Variants in CDH20 observed in about 807,000 individuals in gnomAD.
The protein encoded by CDH20 is cadherin-20.
CDH20 carries 29 observed loss-of-function variants against 74.2 expected under a neutral mutation model. The observed-to-expected ratio is 0.39, with a 90% CI of 0.29 to 0.53. The LOEUF (loss-of-function observed/expected upper bound fraction) is 0.53, where lower values mean the gene tolerates loss of function less well. CDH20 is among the 20% of genes least tolerant of loss of function. The pLI, the probability that CDH20 is intolerant of heterozygous loss-of-function variation, is 0.69. For synonymous variants in CDH20, 469 were observed against 405.4 expected (o/e 1.16, Z -1.88); for missense variants, 988 against 1,048.3 (o/e 0.94, Z 0.79).
intron 6 of CDH20, among the ~76,000 whole-genome samples, chr18:61,520,315 CAAAAA>C (rs58685164): frequency 8.2e-6 from 1 of 122,044 alleles, no homozygotes; most frequent in Non-Finnish European, 1.6e-5. Context: ...GACTCCGTCT[CAAAAA>C]AAAAAAAAAA....
At chr18:61,552,670 C>CT (rs1913477640) in intron 11 of CDH20, among the ~76,000 whole-genome samples, 1 of 152,206 alleles carries the variant, frequency 6.6e-6, no homozygotes, top group African/African-American at 2.4e-5. Context: ...TTATCACTGT[C>CT]TGACTTGCAT....
chr18:61,496,510 G>A (rs553886008), intron 2 of CDH20, among the ~76,000 whole-genome samples: 44 of 152,086 alleles, frequency 2.9e-4, no homozygotes, highest in African/African-American at 1.0e-3. Flanking sequence ...AAGGTCACAC[G>A]GAAAGCGAAG....
At chr18:61,493,417 T>C (rs1911029432) in intron 2 of CDH20, among the ~76,000 whole-genome samples, 1 of 152,172 alleles carries the variant, frequency 6.6e-6, no homozygotes, top group Non-Finnish European at 1.5e-5. Flanking sequence ...GCTCCTCTGA[T>C]TAAGAAAGCA....
intron 1 of CDH20, among the ~76,000 whole-genome samples, chr18:61,466,090 ATATATATATATATAGCTATT>A (rs1909951982): frequency 6.7e-6 from 1 of 150,146 alleles, no homozygotes; most frequent in Admixed American, 6.7e-5. Flanking sequence ...ATTAAGCTAT[ATATATATATATATAGCTATT>A]TATATATATA....
chr18:61,554,662 C>T lies in CDH20; in HGVS notation c.2373C>T (p.Tyr791=). 1 of 1,589,906 alleles carries T rather than the reference C, an allele frequency of 6.3e-7. No homozygotes were observed. Among genetic ancestry groups the T allele is most frequent in the Admixed American group, 1.7e-5 (1 of 58,054 alleles). The change falls in exon 12 of 12, where the codon TAC becomes TAT. Residue 791 remains tyrosine (Y), a synonymous_variant. Coordinates refer to ENST00000262717, the MANE Select transcript of CDH20 (RefSeq NM_031891.4). ...GCTTCCGGAAGCTGGCCGAGCTCTA[C>T]GGGGCGTCGGAGGGACCCGCGCCGC... ...GPRFRKLAEL[Y]GASEGPAPLW is the part of the protein sequence containing the mutation.
At chr18:61,459,197 T>C (rs1909683649) in intron 1 of CDH20, among the ~76,000 whole-genome samples, 2 of 152,202 alleles carry the variant, frequency 1.3e-5, no homozygotes, top group Admixed American at 1.3e-4. Flanking sequence ...TTACTTACCT[T>C]AGTGCTAAGT....
At chr18:61,425,424 A>T (rs1257132592) in intron 1 of CDH20, among the ~76,000 whole-genome samples, 4 of 152,194 alleles carry the variant, frequency 2.6e-5, no homozygotes, top group Admixed American at 2.6e-4. Context: ...GAGGGGGCAG[A>T]GGCATGAGTA....
chr18:61,352,935 C>G (rs1201898849), intron 1 of CDH20, among the ~76,000 whole-genome samples: 7 of 152,164 alleles, frequency 4.6e-5, no homozygotes, highest in Admixed American at 2.6e-4. Flanking sequence ...AAAACACTAC[C>G]TTGGCCCCTT....
intron 11 of CDH20, among the ~76,000 whole-genome samples, chr18:61,552,499 A>C (rs1253253764): frequency 6.6e-6 from 1 of 152,066 alleles, no homozygotes; most frequent in Non-Finnish European, 1.5e-5. Flanking sequence ...TCTCTCCAGC[A>C]AGGTATTCAA....
At chr18:61,445,984 T>C (rs1395448579) in intron 1 of CDH20, among the ~76,000 whole-genome samples, 2 of 152,122 alleles carry the variant, frequency 1.3e-5, no homozygotes, top group African/African-American at 4.8e-5. Flanking sequence ...TCTCTCCATG[T>C]ACCCTGGGCT....
chr18:61,497,099 AAAAGAAAG>A (rs201120857), intron 2 of CDH20, among the ~76,000 whole-genome samples: 27 of 139,662 alleles, frequency 1.9e-4, no homozygotes, highest in Non-Finnish European at 2.0e-4. Flanking sequence ...GTAAAAAAAA[AAAAGAAAG>A]AAAGAAAGAA....
At chr18:61,464,854 T>C (rs1230158647) in intron 1 of CDH20, among the ~76,000 whole-genome samples, 4 of 152,224 alleles carry the variant, frequency 2.6e-5, no homozygotes, top group African/African-American at 9.6e-5. Flanking sequence ...AAGTCAAGGT[T>C]GTGGCAAAAC....
intron 1 of CDH20, among the ~76,000 whole-genome samples, chr18:61,376,077 T>C (rs1022516436): frequency 6.6e-6 from 1 of 152,184 alleles, no homozygotes; most frequent in Non-Finnish European, 1.5e-5. Flanking sequence ...ACTTCATCTA[T>C]AATTCTCAGA....
intron 1 of CDH20, among the ~76,000 whole-genome samples, chr18:61,339,360 TACACAC>T (rs35630137): frequency 0.018 from 2,577 of 145,928 alleles, 70 homozygotes; most frequent in African/African-American, 0.061. Context: ...GCAAGTTTAT[TACACAC>T]ACACACACAC....
intron 8 of CDH20, among the ~76,000 whole-genome samples, chr18:61,538,738 T>C (rs1008824786): frequency 6.6e-6 from 1 of 150,908 alleles, no homozygotes; most frequent in Non-Finnish European, 1.5e-5. Context: ...CCTGCCTCAG[T>C]CTCCCAAGTA....
chr18:61,339,701 T>C lies in CDH20; in HGVS notation c.-153+5874T>C, dbSNP rs111527913. ...TAGAAATTTTTTTTTTTTTTTTTTT[T>C]TTTTGAGATGGAGTCTCGCTCTGTC... On this transcript the variant is annotated intron_variant, in intron 1 of 11. Coordinates refer to ENST00000262717, the MANE Select transcript of CDH20 (RefSeq NM_031891.4). Among the ~76,000 whole-genome samples, 560 of 122,494 alleles carry C rather than the reference T, an allele frequency of 4.6e-3. 1 individual carries two copies. Among genetic ancestry groups the C allele is most frequent in the African/African-American group, 7.7e-3 (260 of 33,638 alleles). 80.4% of individuals were successfully genotyped at this position (122,494 alleles called of 152,430 possible).
At chr18:61,422,284 C>T (rs776489763) in intron 1 of CDH20, among the ~76,000 whole-genome samples, 1 of 152,064 alleles carries the variant, frequency 6.6e-6, no homozygotes. Context: ...AGTTTCCAGG[C>T]AAAAGGAAAA....
At chr18:61,498,049 G>A (rs1267064612) in intron 2 of CDH20, among the ~76,000 whole-genome samples, 2 of 152,166 alleles carry the variant, frequency 1.3e-5, no homozygotes, top group Non-Finnish European at 2.9e-5. Flanking sequence ...GCAGAAATAT[G>A]TTTATAGGCC....
chr18:61,360,263 G>C (rs62098067), intron 1 of CDH20, among the ~76,000 whole-genome samples: 10,512 of 152,198 alleles, frequency 0.069, 466 homozygotes, highest in Non-Finnish European at 0.1. Flanking sequence ...CTACTTAAGT[G>C]GGCATAAGGG....
Sources: gnomAD v4.1 joint callset for allele counts (sites outside exome capture counted in the v4.1 genomes callset) on GRCh38, gnomAD v4.1.1 for gene constraint, MANE v1.5 for transcripts, NCBI Gene and HGNC (gene_info 2026-07-23, HGNC 2026-07-21) for gene names.